Variants in NFKBID observed in about 807,000 individuals in gnomAD.
NFKBID encodes NF-kappa-B inhibitor delta.
Under a neutral mutation model 53.4 loss-of-function variants are expected in NFKBID, and 26 were observed. The ratio of observed to expected loss-of-function variants is 0.49; its 90% CI spans 0.36 to 0.68. NFKBID has a LOEUF of 0.68. Among genes scored for constraint, NFKBID ranks in the 30% least tolerant of loss-of-function variants. NFKBID has a pLI of 0.00. For synonymous variants in NFKBID, 262 were observed against 259.8 expected (o/e 1.01, Z -0.08); for missense variants, 493 against 614.1 (o/e 0.80, Z 2.08).
Position 35,895,497 on chromosome 19 carries a change from A to C in NFKBID, c.1032+483T>G, listed in dbSNP as rs538172410. 5.9e-4 allele frequency among the ~76,000 whole-genome samples: 89 copies of C among 150,486 alleles called. 1 individual carries two copies. The highest frequency in any genetic ancestry group is 4.1e-3 in the Admixed American group (61 of 15,058). ...AGTGAGACCCTGTCTCAAAAACAAA[A>C]AAACAAACAAACAAAAAAACCCTGC... is the stretch of plus-strand genomic sequence containing the variant. On this transcript the variant is annotated intron_variant, in intron 9 of 11. Coordinates refer to ENST00000641389, the Ensembl canonical transcript of NFKBID.
intron 9 of NFKBID, among the ~76,000 whole-genome samples, chr19:35,893,365 C>T (rs760744788): frequency 6.6e-6 from 1 of 152,192 alleles, no homozygotes; most frequent in Non-Finnish European, 1.5e-5. Context: ...CATTCATTTC[C>T]TAACCCCGCT....
intron 11 of NFKBID, among the ~76,000 whole-genome samples, chr19:35,889,197 A>C (rs531859315): frequency 6.6e-5 from 10 of 151,440 alleles, no homozygotes; most frequent in South Asian, 4.2e-4. Flanking sequence ...AAAAAAAAAA[A>C]AAAACAAAAT....
chr19:35,896,588 GA>G lies in NFKBID; in HGVS notation c.685-51del. 2 of 1,603,340 alleles carry G rather than the reference GA, an allele frequency of 1.2e-6. No individual in the cohort carries two copies. The highest frequency in any genetic ancestry group is 1.7e-6 in the Non-Finnish European group (2 of 1,171,806). ...TTGGGCTCCTGGTTCCCTCCCGTCA[GA>G]AAACCAGGCTCCCAGCCCCATCCCC... On this transcript the variant is annotated intron_variant, in intron 6 of 11. Transcript: ENST00000641389. The surrounding 1 kb of genome is among the most constrained non-coding windows in gnomAD (Gnocchi z 5.7).
intron 10 of NFKBID, 118 bp from the exon 11 acceptor site, chr19:35,890,172 T>C (rs200805003): frequency 3.6e-6 from 4 of 1,116,860 alleles, no homozygotes; most frequent in African/African-American, 1.6e-5. Context: ...ATCCCAGACC[T>C]CCCCCGGCCA....
Position 35,898,974 on chromosome 19 carries a change from A to T in NFKBID, c.62-152T>A, listed in dbSNP as rs558332925. 2.0e-5 allele frequency among the ~76,000 whole-genome samples: 3 copies of T among 152,258 alleles called. No individual in the cohort carries two copies. The South Asian group carries it at 6.2e-4, about 32-fold the overall frequency. ...GATGCCGCCTGACTCCTCCAAAGCC[A>T]TTAGAAGATTTGGGGTGGGGCATCC... On this transcript the variant is annotated intron_variant, in intron 1 of 11. Coordinates refer to ENST00000641389, the Ensembl canonical transcript of NFKBID.
upstream of NFKBID, chr19:35,901,852 C>T (rs925893529): frequency 3.3e-5 from 11 of 338,326 alleles, no homozygotes; most frequent in Non-Finnish European, 2.2e-5. Flanking sequence ...TGAGCCACTG[C>T]GGTGGCCTCT....
chr19:35,899,162 G>T (rs1422302096), intron 1 of NFKBID, among the ~76,000 whole-genome samples: 4 of 152,146 alleles, frequency 2.6e-5, no homozygotes, highest in South Asian at 2.1e-4. Context: ...TGAAGTCAGC[G>T]GGTTGGTGGG....
At chr19:35,891,430 G>T (rs986101704) in intron 9 of NFKBID, among the ~76,000 whole-genome samples, 2 of 151,960 alleles carry the variant, frequency 1.3e-5, no homozygotes, top group African/African-American at 4.8e-5. Context: ...CATAATATGT[G>T]TGCTTATTTG....
rs144899396 is a variant in NFKBID at position 35,893,352 on chromosome 19, C to T, written c.1032+2628G>A. Among the ~76,000 whole-genome samples, 614 of 152,272 alleles carry T rather than the reference C, an allele frequency of 4.0e-3. 4 individuals are homozygous for T. Among genetic ancestry groups the T allele is most frequent in the African/African-American group, 0.014 (585 of 41,538 alleles). ...TGCAACCATTAAGAGCCTAGATTAC[C>T]ATCATTCATTTCCTAACCCCGCTAA... On this transcript the variant is annotated intron_variant, in intron 9 of 11. Transcript: ENST00000641389.
At chr19:35,895,948 C>T in intron 9 of NFKBID, 32 bp downstream of exon 9, 1 of 1,597,654 alleles carries the variant, frequency 6.3e-7, no homozygotes, top group South Asian at 1.1e-5. Flanking sequence ...CACACAATCT[C>T]CCAGGGTCTG....
At position 35,897,860 on chromosome 19, in the gene NFKBID, C is replaced by T. The variant is rs757869269; in HGVS notation, c.227-4G>A. ...TGTGCTGGGAAGGGAGGGTGGCCTGCGTGTAAGAGGAGGGGCAGGGGCAGG... is the reference window on the plus strand; with the variant it reads ...TGTGCTGGGAAGGGAGGGTGGCCTGTGTGTAAGAGGAGGGGCAGGGGCAGG... On this transcript the variant is annotated splice_region_variant and splice_polypyrimidine_tract_variant and intron_variant, in intron 3 of 11. Transcript: ENST00000641389. 11 of 1,539,682 alleles carry T rather than the reference C, an allele frequency of 7.1e-6. No individual in the cohort carries two copies. The highest frequency in any genetic ancestry group is 1.4e-5 in the African/African-American group (1 of 73,116).
exon 4 of NFKBID, chr19:35,897,656 T>C (rs2146964406): frequency 6.4e-7 from 1 of 1,551,392 alleles, no homozygotes; most frequent in South Asian, 1.1e-5. Context: ...CTCACCTCCA[T>C]GCCCTGGGGA....
intron 11 of NFKBID, 78 bp downstream of exon 11, chr19:35,889,812 C>T: frequency 7.1e-7 from 1 of 1,402,046 alleles, no homozygotes; most frequent in South Asian, 1.3e-5. Flanking sequence ...TGAAAGCGAG[C>T]ATTGGGTGGG....
chr19:35,888,351 G>T lies in NFKBID; in HGVS notation c.*208C>A, dbSNP rs886532372. ...CTCGATTTCACAGAAATCATCAAGA[G>T]GGCTCCTTGTGGGTAGAAGAGGGGT... On this transcript the variant is annotated 3_prime_UTR_variant, in exon 12 of 12. Coordinates refer to ENST00000641389, the Ensembl canonical transcript of NFKBID. The T allele has an allele frequency of 1.1e-5, 6 of 560,376 alleles. No individual in the cohort carries two copies. The East Asian group carries it at 1.8e-4, about 17-fold the overall frequency. 34.7% of individuals were successfully genotyped at this position (560,376 alleles called of 1,614,324 possible).
chr19:35,896,835 A>T lies in NFKBID; in HGVS notation c.579-4T>A, dbSNP rs1975201650. The T allele has an allele frequency of 6.2e-7, 1 of 1,614,024 alleles. No homozygotes were observed. The highest frequency in any genetic ancestry group is 1.1e-5 in the South Asian group (1 of 91,082). On this transcript the variant is annotated splice_region_variant and splice_polypyrimidine_tract_variant and intron_variant, in intron 5 of 11. Coordinates refer to ENST00000641389, the Ensembl canonical transcript of NFKBID. This position sits in a 1 kb window ranked among gnomAD's most constrained non-coding sequence, Gnocchi z 5.7. ...AGCCGCAAACAGGTGAAGGAGCCTG[A>T]GGACAGGTGGGGGACAGCCGTGAGA...
At chr19:35,898,725 C>G in exon 2 of NFKBID, 1 of 1,535,844 alleles carries the variant, frequency 6.5e-7, no homozygotes, top group Non-Finnish European at 8.7e-7. Flanking sequence ...TCACCTGCAC[C>G]CCGCCAGCGT....
intron 10 of NFKBID, 70 bp downstream of exon 10, chr19:35,890,304 G>A: frequency 9.1e-7 from 1 of 1,103,838 alleles, no homozygotes; most frequent in Non-Finnish European, 1.4e-6. Flanking sequence ...CAGCCCCCAG[G>A]ACCCCTAACA....
At position 35,897,876 on chromosome 19, in the gene NFKBID, C is replaced by A. The variant is rs1323426305; in HGVS notation, c.227-20G>T. On this transcript the variant is annotated intron_variant, in intron 3 of 11. Coordinates refer to ENST00000641389, the Ensembl canonical transcript of NFKBID. Reference sequence around the variant, plus strand: ...GGTGGCCTGCGTGTAAGAGGAGGGGCAGGGGCAGGTCTGGTTACCAGAGTT... The same window carrying A: ...GGTGGCCTGCGTGTAAGAGGAGGGGAAGGGGCAGGTCTGGTTACCAGAGTT... 1.3e-6 allele frequency: 2 copies of A among 1,514,530 alleles called. No individual in the cohort carries two copies. Among genetic ancestry groups the A allele is most frequent in the Non-Finnish European group, 1.8e-6 (2 of 1,127,276 alleles). 93.8% of individuals were successfully genotyped at this position (1,514,530 alleles called of 1,614,324 possible). A position where few individuals can be genotyped will look rare whatever the true frequency, so the allele number is the denominator to read the frequency against.
At position 35,896,356 on chromosome 19, in the gene NFKBID, C is replaced by A. The variant is rs760729708; in HGVS notation, c.831+36G>T. ...GCCAAAATCTGGGCAACCAGTCTAC[C>A]CCCCAGACAAACCCCTGCCTGCCAG... On this transcript the variant is annotated intron_variant, in intron 7 of 11. Transcript: ENST00000641389. The surrounding 1 kb of genome is among the most constrained non-coding windows in gnomAD (Gnocchi z 5.7). The A allele has an allele frequency of 3.7e-6, 6 of 1,613,922 alleles. No homozygotes were observed. In the Admixed American group the frequency reaches 6.7e-5, roughly 18 times the overall value.
Sources: gnomAD v4.1 joint callset for allele counts (sites outside exome capture counted in the v4.1 genomes callset) on GRCh38, gnomAD v4.1.1 for gene constraint, Gnocchi (gnomAD v3.1) non-coding constraint, MANE v1.5 for transcripts, NCBI Gene and HGNC (gene_info 2026-07-23, HGNC 2026-07-21) for gene names.